RYK: variants seen among roughly 807,000 people sequenced by gnomAD.
RYK encodes inactive tyrosine-protein kinase RYK.
Under a neutral mutation model 70.2 loss-of-function variants are expected in RYK, and 21 were observed. The ratio of observed to expected loss-of-function variants is 0.30; its 90% CI spans 0.21 to 0.43. The LOEUF (loss-of-function observed/expected upper bound fraction) is 0.43, where lower values mean the gene tolerates loss of function less well. RYK is among the 20% of genes least tolerant of loss of function. The pLI, the probability that RYK is intolerant of heterozygous loss-of-function variation, is 1.00. For synonymous variants in RYK, 267 were observed against 278.0 expected (o/e 0.96, Z 0.39); for missense variants, 604 against 753.3 (o/e 0.80, Z 2.32).
At chr3:134,164,869 T>C (rs1006826573) in intron 13 of RYK, among the ~76,000 whole-genome samples, 2 of 152,248 alleles carry the variant, frequency 1.3e-5, no homozygotes, top group Non-Finnish European at 2.9e-5. Flanking sequence ...AAAAGAGCTC[T>C]TGTTCTTTCA....
chr3:134,177,128 A>T (rs2013133224), intron 11 of RYK, among the ~76,000 whole-genome samples: 1 of 152,104 alleles, frequency 6.6e-6, no homozygotes, highest in South Asian at 2.1e-4. Flanking sequence ...TTTTCTGCTG[A>T]TGTGTTCTTC....
rs549415711 is a variant in RYK, at chr3:134,190,655, C to A, written c.1015+1194G>T. Among the ~76,000 whole-genome samples the A allele has an allele frequency of 2.0e-5, 3 of 152,028 alleles. No homozygotes were observed. In the South Asian group the frequency reaches 6.2e-4, roughly 31 times the overall value. On this transcript the variant is annotated intron_variant, in intron 8 of 14. Coordinates refer to ENST00000623711, the MANE Select transcript of RYK (RefSeq NM_002958.4). ...AAATGTTAATCAGCCACCATATTTT[C>A]TTTTCTGAAATCAAAAGAATTTTAA...
chr3:134,189,632 G>C (rs1184654610), intron 8 of RYK, among the ~76,000 whole-genome samples: 1 of 150,976 alleles, frequency 6.6e-6, no homozygotes, highest in South Asian at 2.1e-4. Context: ...AATTAGCCGG[G>C]CGTGGGAGGC....
intron 1 of RYK, among the ~76,000 whole-genome samples, chr3:134,247,133 TAA>T (rs1217720858): frequency 2.6e-5 from 4 of 152,162 alleles, no homozygotes; most frequent in African/African-American, 4.8e-5. Context: ...AAAAAAATCA[TAA>T]GTCACTATTT....
chr3:134,191,837 G>C lies in RYK; in HGVS notation c.1015+12C>G, dbSNP rs772141154. The C allele has an allele frequency of 6.9e-6, 11 of 1,590,122 alleles. No homozygotes were observed. The East Asian group carries it at 2.5e-4, about 36-fold the overall frequency. ...ATCATACTTAAAAAACCGACTTTGAGATAATAAATACCTTCTTGGAGTACA... is the reference window on the plus strand; with the variant it reads ...ATCATACTTAAAAAACCGACTTTGACATAATAAATACCTTCTTGGAGTACA... On this transcript the variant is annotated intron_variant, in intron 8 of 14. Coordinates refer to ENST00000623711, the MANE Select transcript of RYK (RefSeq NM_002958.4).
At chr3:134,206,242 GTACC>G (rs377007227) in intron 5 of RYK, among the ~76,000 whole-genome samples, 14 of 152,276 alleles carry the variant, frequency 9.2e-5, no homozygotes, top group African/African-American at 3.1e-4. Flanking sequence ...GCAGCACAGA[GTACC>G]TACCATCTAT....
chr3:134,175,689 CCAGA>C lies in RYK; in HGVS notation c.1491_1494del (p.Cys497TrpfsTer33), dbSNP rs1205347946. On this transcript the variant is annotated frameshift_variant, in exon 13 of 15. Transcript: ENST00000623711. LOFTEE classifies it high-confidence loss of function. The stretch of plus-strand genomic sequence containing the variant: ...CGAACTGGCCTGTTTTCATTGTCCC[CCAGA>C]CAGTGATAGTCCATGGGGAACAAGT... 1 of 1,613,754 alleles carries C rather than the reference CCAGA, an allele frequency of 6.2e-7. No individual in the cohort carries two copies. The highest frequency in any genetic ancestry group is 8.5e-7 in the Non-Finnish European group (1 of 1,179,800).
At chr3:134,218,897 G>A (rs993009619) in intron 2 of RYK, among the ~76,000 whole-genome samples, 7 of 152,116 alleles carry the variant, frequency 4.6e-5, no homozygotes, top group African/African-American at 1.7e-4. Flanking sequence ...AATTATTAGA[G>A]AGAATCAACT....
intron 13 of RYK, among the ~76,000 whole-genome samples, chr3:134,160,862 G>GA (rs892344954): frequency 4.6e-5 from 7 of 150,954 alleles, no homozygotes; most frequent in East Asian, 3.9e-4. Flanking sequence ...CTCAAAGAAA[G>GA]AAAAAAAAAT....
chr3:134,185,605 T>C (rs1019571363), intron 9 of RYK, among the ~76,000 whole-genome samples: 3 of 152,212 alleles, frequency 2.0e-5, no homozygotes, highest in Non-Finnish European at 4.4e-5. Context: ...TGGGATTTCT[T>C]AGTAAATAGC....
At chr3:134,170,250 C>T (rs1461558417) in intron 13 of RYK, among the ~76,000 whole-genome samples, 1 of 152,138 alleles carries the variant, frequency 6.6e-6, no homozygotes, top group Non-Finnish European at 1.5e-5. Flanking sequence ...GAGTTAACCA[C>T]GTTAAATGCA....
At chr3:134,249,939 T>G in intron 1 of RYK, among the ~76,000 whole-genome samples, 1 of 148,222 alleles carries the variant, frequency 6.7e-6, no homozygotes. Flanking sequence ...TTTTTTTTTT[T>G]TTTTGTAAAA....
At chr3:134,209,858 T>C in intron 3 of RYK, 29 bp from the exon 4 acceptor site, 2 of 1,416,198 alleles carry the variant, frequency 1.4e-6, no homozygotes, top group Non-Finnish European at 1.9e-6. Flanking sequence ...AAAAATATTT[T>C]ACATTTTCTA....
At chr3:134,214,361 C>T (rs2014491266) in intron 2 of RYK, among the ~76,000 whole-genome samples, 1 of 152,174 alleles carries the variant, frequency 6.6e-6, no homozygotes, top group Admixed American at 6.5e-5. Flanking sequence ...AGTCAGCCAA[C>T]ATTTATGAGG....
At chr3:134,242,141 C>G (rs1203765293) in intron 1 of RYK, among the ~76,000 whole-genome samples, 1 of 152,020 alleles carries the variant, frequency 6.6e-6, no homozygotes, top group Non-Finnish European at 1.5e-5. Flanking sequence ...CCCATCTCTA[C>G]CAAAAATACA....
intron 2 of RYK, among the ~76,000 whole-genome samples, chr3:134,213,964 GC>G (rs2014477873): frequency 6.6e-6 from 1 of 152,036 alleles, no homozygotes; most frequent in Admixed American, 6.6e-5. Flanking sequence ...ACGCCACTAT[GC>G]CCAGCTAATT....
intron 1 of RYK, among the ~76,000 whole-genome samples, chr3:134,238,654 A>G (rs559721680): frequency 3.9e-5 from 6 of 152,312 alleles, no homozygotes; most frequent in South Asian, 2.1e-4. Context: ...AGTAAACATG[A>G]TATGTCGTCA....
intron 1 of RYK, among the ~76,000 whole-genome samples, chr3:134,243,460 G>C (rs771513831): frequency 6.6e-6 from 1 of 152,070 alleles, no homozygotes; most frequent in East Asian, 1.9e-4. Context: ...ACCTGACTGC[G>C]CACTCTCCTA....
rs567203825 is a variant in RYK at position 134,237,059 on chromosome 3, T to TA, written c.232+13363dup. On this transcript the variant is annotated intron_variant, in intron 1 of 14. Coordinates refer to ENST00000623711, the MANE Select transcript of RYK (RefSeq NM_002958.4). Reference sequence around the variant, plus strand: ...TTTTTAAACAACTCAAATTCAAAGCTAAAAAACCAAAGTTATTCTTGCAAA... The same window carrying TA: ...TTTTTAAACAACTCAAATTCAAAGCTAAAAAAACCAAAGTTATTCTTGCAAA... Among the ~76,000 whole-genome samples the TA allele has an allele frequency of 1.1e-4, 16 of 152,228 alleles. No individual in the cohort carries two copies. In the South Asian group the frequency reaches 3.3e-3, roughly 32 times the overall value.
Sources: allele counts gnomAD v4.1 joint callset (sites outside exome capture counted in the v4.1 genomes callset), GRCh38; gene constraint gnomAD v4.1.1; transcripts MANE v1.5; gene names NCBI Gene and HGNC (gene_info 2026-07-23, HGNC 2026-07-21).